Variants in THSD7B observed in about 807,000 individuals in gnomAD.
THSD7B encodes the protein thrombospondin type 1 domain containing 7B, also known as thrombospondin type-1 domain-containing protein 7B.
THSD7B carries 138 observed loss-of-function variants against 213.6 expected under a neutral mutation model. The ratio of observed to expected loss-of-function variants is 0.65; its 90% confidence interval spans 0.56 to 0.74. The LOEUF (loss-of-function observed/expected upper bound fraction) is 0.74. THSD7B is among the 30% of genes least tolerant of loss of function. The pLI, the probability that THSD7B is intolerant of heterozygous loss-of-function variation, is 0.00. For synonymous variants in THSD7B, 742 were observed against 687.0 expected (o/e 1.08, Z -1.25); for missense variants, 1,931 against 1,991.5 (o/e 0.97, Z 0.58).
At chr2:137,636,485 C>T (rs995765812) in intron 20 of THSD7B, among the ~76,000 whole-genome samples, 1 of 152,056 alleles carries the variant, frequency 6.6e-6, no homozygotes, top group African/African-American at 2.4e-5. Context: ...ATAACAAGTG[C>T]ATAATTGTAA....
intron 2 of THSD7B, among the ~76,000 whole-genome samples, chr2:136,916,681 G>A (rs1684353866): frequency 6.6e-6 from 1 of 152,176 alleles, no homozygotes; most frequent in Admixed American, 6.5e-5. Flanking sequence ...CTTCCAGATG[G>A]TTTAGTTTTC....
At chr2:137,301,461 A>C (rs903174949) in intron 12 of THSD7B, among the ~76,000 whole-genome samples, 3 of 152,124 alleles carry the variant, frequency 2.0e-5, no homozygotes, top group Admixed American at 6.5e-5. Context: ...ATAGATTATC[A>C]ACAGAAATGG....
rs1685165278 is a variant in THSD7B, at chr2:136,958,614, G to A, written c.139+76297G>A. Among the ~76,000 whole-genome samples, 2 of 152,148 alleles carry A rather than the reference G, an allele frequency of 1.3e-5. 1 individual carries two copies. Among genetic ancestry groups the A allele is most frequent in the South Asian group, 4.1e-4 (2 of 4,828 alleles). ...CCAAGAAGTCCTGTCACTATTTTGA[G>A]GGAATTGGGGAAGTTTACATTAGAG... On this transcript the variant is annotated intron_variant, in intron 2 of 27. Transcript: ENST00000409968.
intron 12 of THSD7B, among the ~76,000 whole-genome samples, chr2:137,351,634 A>T (rs1391885457): frequency 6.6e-6 from 1 of 151,936 alleles, no homozygotes; most frequent in East Asian, 1.9e-4. Context: ...GCAAATTTTC[A>T]TGTAATTATA....
At position 137,289,061 on chromosome 2, in the gene THSD7B, T is replaced by G. The variant is rs1178176497; in HGVS notation, c.2500+13035T>G. ...ATAATTCCAATTTTTTGATACTTTT[T>G]TACCAGTGCTTATAGTTGCTCAGGA... On this transcript the variant is annotated intron_variant, in intron 12 of 27. Transcript: ENST00000409968. Among the ~76,000 whole-genome samples, 3 of 146,054 alleles carry G rather than the reference T, an allele frequency of 2.1e-5. 1 individual carries two copies. In the Admixed American group the frequency reaches 2.1e-4, roughly 10 times the overall value.
chr2:137,403,048 G>A (rs1252607787), intron 12 of THSD7B, among the ~76,000 whole-genome samples: 2 of 152,120 alleles, frequency 1.3e-5, no homozygotes, highest in Admixed American at 6.5e-5. Context: ...ATTAATGGCT[G>A]TAATATTCCC....
intron 16 of THSD7B, among the ~76,000 whole-genome samples, chr2:137,571,664 A>G (rs1681357809): frequency 6.6e-6 from 1 of 152,148 alleles, no homozygotes. Flanking sequence ...TTTTAATTTG[A>G]TTGAATCTTC....
intron 7 of THSD7B, among the ~76,000 whole-genome samples, chr2:137,215,707 G>A (rs539541747): frequency 6.6e-6 from 1 of 152,204 alleles, no homozygotes; most frequent in Admixed American, 6.5e-5. Context: ...TAAGACATTG[G>A]CCAAGTTTGT....
chr2:137,670,000 A>G (rs1683529417), intron 27 of THSD7B, among the ~76,000 whole-genome samples: 1 of 152,000 alleles, frequency 6.6e-6, no homozygotes, highest in Non-Finnish European at 1.5e-5. Context: ...ATATATATTC[A>G]TGGGATACAA....
chr2:136,959,120 G>T (rs1329536881), intron 2 of THSD7B, among the ~76,000 whole-genome samples: 1 of 152,180 alleles, frequency 6.6e-6, no homozygotes, highest in African/African-American at 2.4e-5. Flanking sequence ...AACTTTAGAG[G>T]TTAGACACTA....
chr2:137,556,282 C>T (rs181201801), intron 15 of THSD7B, among the ~76,000 whole-genome samples: 3 of 152,160 alleles, frequency 2.0e-5, no homozygotes, highest in African/African-American at 7.2e-5. Context: ...ATGTTAAGGG[C>T]AGACAGAGAG....
chr2:136,951,391 A>G lies in THSD7B; in HGVS notation c.139+69074A>G, dbSNP rs143648209. Among the ~76,000 whole-genome samples the G allele has an allele frequency of 1.6e-3, 240 of 152,306 alleles. 1 individual carries two copies. The highest frequency in any genetic ancestry group is 5.7e-3 in the African/African-American group (236 of 41,570). ...AGGTAAAAATATAACTATAATTTGA[A>G]TGTAGCAAACTCTGTTGAATCATCT... is the stretch of plus-strand genomic sequence containing the variant. On this transcript the variant is annotated intron_variant, in intron 2 of 27. Coordinates refer to ENST00000409968, the MANE Select transcript of THSD7B (RefSeq NM_001316349.2).
intron 12 of THSD7B, among the ~76,000 whole-genome samples, chr2:137,334,791 C>A (rs570872612): frequency 2.7e-4 from 41 of 152,336 alleles, no homozygotes; most frequent in Non-Finnish European, 3.1e-4. Flanking sequence ...CCACCCGAAT[C>A]TCACCTTGGA....
At chr2:137,226,616 A>T (rs370628909) in intron 7 of THSD7B, among the ~76,000 whole-genome samples, 1 of 151,758 alleles carries the variant, frequency 6.6e-6, no homozygotes, top group Admixed American at 6.6e-5. Context: ...ATGGGCAGGT[A>T]TTAGAAGAGT....
chr2:137,190,468 T>C (rs1041928070), intron 7 of THSD7B, among the ~76,000 whole-genome samples: 2 of 152,106 alleles, frequency 1.3e-5, no homozygotes, highest in African/African-American at 4.8e-5. Context: ...AGCATGGGAT[T>C]GCCATGGTGA....
intron 1 of THSD7B, among the ~76,000 whole-genome samples, chr2:136,830,976 G>T (rs1162725746): frequency 6.6e-6 from 1 of 152,096 alleles, no homozygotes; most frequent in East Asian, 1.9e-4. Flanking sequence ...AATGACATAT[G>T]TGGATCAATT....
chr2:137,344,333 G>A (rs1359023376), intron 12 of THSD7B, among the ~76,000 whole-genome samples: 3 of 151,684 alleles, frequency 2.0e-5, no homozygotes, highest in African/African-American at 4.8e-5. Flanking sequence ...GCTTACAAGT[G>A]AGAACAAATG....
intron 1 of THSD7B, among the ~76,000 whole-genome samples, chr2:136,865,426 G>T (rs1649571): frequency 0.67 from 101,775 of 152,110 alleles, 34,391 homozygotes; most frequent in Middle Eastern, 0.83. Context: ...TATTTGGACT[G>T]GGCTGCTTGG....
intron 1 of THSD7B, among the ~76,000 whole-genome samples, chr2:136,823,156 G>C (rs1189539769): frequency 6.6e-6 from 1 of 150,918 alleles, no homozygotes; most frequent in Admixed American, 6.6e-5. Context: ...TATCTTGTAG[G>C]ATATCCTTGT....
Sources: allele counts gnomAD v4.1 joint callset (sites outside exome capture counted in the v4.1 genomes callset), GRCh38; gene constraint gnomAD v4.1.1; transcripts MANE v1.5; gene names NCBI Gene and HGNC (gene_info 2026-07-23, HGNC 2026-07-21).